RAP1GAP2: variants seen among roughly 807,000 people sequenced by gnomAD.
The protein encoded by RAP1GAP2 is RAP1 GTPase activating protein 2.
RAP1GAP2 carries 27 observed loss-of-function variants against 95.0 expected under a neutral mutation model. The ratio of observed to expected loss-of-function variants is 0.28; its 90% CI spans 0.21 to 0.39. The LOEUF is 0.39. Ranked by LOEUF, RAP1GAP2 falls within the 10% of genes least tolerant of loss-of-function variation. The pLI is 1.00. For synonymous variants in RAP1GAP2, 373 were observed against 380.9 expected (o/e 0.98, Z 0.24); for missense variants, 771 against 970.0 (o/e 0.79, Z 2.72).
At chr17:3,013,067 C>T (rs889597390) in intron 17 of RAP1GAP2, among the ~76,000 whole-genome samples, 4 of 152,264 alleles carry the variant, frequency 2.6e-5, no homozygotes, top group South Asian at 2.1e-4. Flanking sequence ...GTGATGGACC[C>T]GGGACCGTGG....
At chr17:2,785,044 G>T (rs150095044) in intron 1 of RAP1GAP2, among the ~76,000 whole-genome samples, 136 of 152,256 alleles carry the variant, frequency 8.9e-4, no homozygotes, top group African/African-American at 3.1e-3. Flanking sequence ...ATCCCCCTGC[G>T]GCATCATCCC....
intron 2 of RAP1GAP2, among the ~76,000 whole-genome samples, chr17:2,860,962 T>G (rs558417101): frequency 1.3e-5 from 2 of 152,212 alleles, no homozygotes; most frequent in Admixed American, 6.5e-5. Context: ...CCACACCCCC[T>G]GCCTGCTTCT....
At chr17:2,979,087 A>C (rs1249709188) in intron 8 of RAP1GAP2, among the ~76,000 whole-genome samples, 1 of 152,232 alleles carries the variant, frequency 6.6e-6, no homozygotes. Context: ...GGCTCAACAG[A>C]AATGTAATTC....
upstream of RAP1GAP2, among the ~76,000 whole-genome samples, chr17:2,773,030 G>C (rs2068428672): frequency 6.6e-6 from 1 of 151,844 alleles, no homozygotes; most frequent in Non-Finnish European, 1.5e-5. Flanking sequence ...GGCTAATTTT[G>C]TATTTTTAGT....
Position 3,004,577 on chromosome 17 carries a change from C to T in RAP1GAP2, c.1201-792C>T, listed in dbSNP as rs966634398. Among the ~76,000 whole-genome samples the T allele has an allele frequency of 1.3e-5, 2 of 152,246 alleles. No individual in the cohort carries two copies. Among genetic ancestry groups the T allele is most frequent in the African/African-American group, 4.8e-5 (2 of 41,462 alleles). On this transcript the variant is annotated intron_variant, in intron 14 of 24. Coordinates refer to ENST00000254695, the MANE Select transcript of RAP1GAP2 (RefSeq NM_015085.5). The surrounding 1 kb of genome is among the most constrained non-coding windows in gnomAD (Gnocchi z 4.1). ...GGAAGGCGGGGTGTGGGGCCCGTCC[C>T]ACGCCTGGGCGACCCCCATGCAGCG...
intron 2 of RAP1GAP2, among the ~76,000 whole-genome samples, chr17:2,865,632 T>TC (rs1459052552): frequency 1.3e-5 from 2 of 152,118 alleles, no homozygotes; most frequent in Admixed American, 1.3e-4. Context: ...AAACAGGCCA[T>TC]CTGAAAACGA....
chr17:2,858,867 G>C (rs551891937), intron 2 of RAP1GAP2, among the ~76,000 whole-genome samples: 185 of 151,978 alleles, frequency 1.2e-3, no homozygotes, highest in African/African-American at 4.3e-3. Context: ...AGCTGAGATA[G>C]AGCCATTGCA....
intron 17 of RAP1GAP2, among the ~76,000 whole-genome samples, chr17:3,016,754 A>G (rs1217605850): frequency 6.6e-6 from 1 of 152,212 alleles, no homozygotes; most frequent in African/African-American, 2.4e-5. Flanking sequence ...CCCTGTGTGT[A>G]TTCTCACAAC....
chr17:2,761,793 T>G (rs965709937), intron 1 of RAP1GAP2, among the ~76,000 whole-genome samples: 1 of 152,084 alleles, frequency 6.6e-6, no homozygotes, highest in African/African-American at 2.4e-5. Flanking sequence ...TGTGGGAATG[T>G]GCACCAGCTG....
At chr17:2,896,243 G>A (rs572767828) in intron 2 of RAP1GAP2, among the ~76,000 whole-genome samples, 3 of 152,222 alleles carry the variant, frequency 2.0e-5, no homozygotes, top group African/African-American at 4.8e-5. Flanking sequence ...CATTTTGCCC[G>A]GATCATTTTC....
At chr17:2,907,393 G>A (rs1165825940) in intron 3 of RAP1GAP2, among the ~76,000 whole-genome samples, 1 of 152,198 alleles carries the variant, frequency 6.6e-6, no homozygotes, top group African/African-American at 2.4e-5. Context: ...CGGTTCTGGG[G>A]ACCTTGTAGT....
intron 2 of RAP1GAP2, 128 bp downstream of exon 2, chr17:2,800,678 C>T (rs1003259381): frequency 2.7e-5 from 27 of 999,434 alleles, no homozygotes; most frequent in Non-Finnish European, 4.0e-5. Context: ...AGTCCGAGTC[C>T]ATGGTGCTTC....
At chr17:2,810,085 A>G (rs2069700351) in intron 2 of RAP1GAP2, among the ~76,000 whole-genome samples, 3 of 135,108 alleles carry the variant, frequency 2.2e-5, no homozygotes, top group African/African-American at 8.3e-5. Context: ...GGGTGAGGCT[A>G]TGCTGGGACC....
At chr17:2,764,006 T>C (rs1037853971) in intron 1 of RAP1GAP2, among the ~76,000 whole-genome samples, 14 of 152,092 alleles carry the variant, frequency 9.2e-5, no homozygotes, top group Non-Finnish European at 1.9e-4. Flanking sequence ...GGGTCTCACG[T>C]CCTCATCTAT....
intron 2 of RAP1GAP2, among the ~76,000 whole-genome samples, chr17:2,860,949 G>T (rs1054540146): frequency 1.3e-5 from 2 of 152,012 alleles, no homozygotes; most frequent in South Asian, 4.2e-4. Flanking sequence ...TCCATAGTCC[G>T]GCCCACACCC....
At chr17:3,017,191 A>C (rs1044875959) in intron 17 of RAP1GAP2, among the ~76,000 whole-genome samples, 3 of 151,712 alleles carry the variant, frequency 2.0e-5, no homozygotes, top group Admixed American at 1.3e-4. Flanking sequence ...TGGCTGAGTA[A>C]TCTTGGTTTT....
At chr17:2,993,351 A>G (rs1394297770) in intron 12 of RAP1GAP2, among the ~76,000 whole-genome samples, 3 of 152,066 alleles carry the variant, frequency 2.0e-5, no homozygotes, top group Admixed American at 2.0e-4. Context: ...AGGCGGGCAG[A>G]TCACGAGGTC....
At chr17:2,883,763 G>A (rs1597505716) in intron 2 of RAP1GAP2, among the ~76,000 whole-genome samples, 1 of 151,742 alleles carries the variant, frequency 6.6e-6, no homozygotes, top group Non-Finnish European at 1.5e-5. Flanking sequence ...GATTGGCAGA[G>A]AATCCCAGGG....
intron 2 of RAP1GAP2, among the ~76,000 whole-genome samples, chr17:2,851,033 C>A (rs1166891615): frequency 4.6e-5 from 7 of 151,096 alleles, no homozygotes; most frequent in Non-Finnish European, 8.8e-5. Flanking sequence ...GCACTCCAGC[C>A]TGGGCGACGA....
Sources: allele counts gnomAD v4.1 joint callset (sites outside exome capture counted in the v4.1 genomes callset), GRCh38; gene constraint gnomAD v4.1.1; non-coding constraint Gnocchi (gnomAD v3.1); transcripts MANE v1.5; gene names NCBI Gene and HGNC (gene_info 2026-07-23, HGNC 2026-07-21).